MYO16: variants seen among roughly 807,000 people sequenced by gnomAD.
The protein encoded by MYO16 is myosin XVI, also known as unconventional myosin-XVI.
Under a neutral mutation model 205.3 loss-of-function variants are expected in MYO16, and 94 were observed. The observed-to-expected ratio is 0.46, with a 90% CI of 0.39 to 0.54. MYO16 has a LOEUF of 0.54. Among genes scored for constraint, MYO16 ranks in the 20% least tolerant of loss-of-function variants. The pLI is 0.00. For synonymous variants in MYO16, 988 were observed against 954.0 expected, an observed-to-expected ratio of 1.04 and a Z score of -0.66; for missense variants, 2,315 against 2,387.5, an observed-to-expected ratio of 0.97 and a Z score of 0.63.
chr13:108,558,498 G>A, the MYO16 span, among the ~76,000 whole-genome samples: 10 of 152,346 alleles, frequency 6.6e-5, no homozygotes, highest in East Asian at 1.5e-3. Flanking sequence ...CAACTGTGGC[G>A]ATGAGCATAC....
chr13:108,968,005 G>A (rs1261667611), intron 20 of MYO16, among the ~76,000 whole-genome samples: 1 of 152,076 alleles, frequency 6.6e-6, no homozygotes, highest in Non-Finnish European at 1.5e-5. Flanking sequence ...TAAAATAAAG[G>A]ATATTGCATA....
chr13:108,800,220 G>A (rs954179339), intron 6 of MYO16, among the ~76,000 whole-genome samples: 8 of 152,118 alleles, frequency 5.3e-5, no homozygotes, highest in Non-Finnish European at 1.0e-4. Flanking sequence ...ATCTCTTGCC[G>A]TTTACTTTGT....
intron 3 of MYO16, among the ~76,000 whole-genome samples, chr13:108,720,441 C>A (rs1884119215): frequency 6.6e-6 from 1 of 152,180 alleles, no homozygotes; most frequent in Non-Finnish European, 1.5e-5. Context: ...CTGTTTCTGA[C>A]TTTCACTGTA....
chr13:108,948,270 G>A (rs1168781596), intron 16 of MYO16, among the ~76,000 whole-genome samples: 1 of 152,174 alleles, frequency 6.6e-6, no homozygotes, highest in African/African-American at 2.4e-5. Context: ...ACATCACCAA[G>A]TAAAAAATAG....
chr13:108,641,907 A>G (rs1437566565), intron 1 of MYO16, among the ~76,000 whole-genome samples: 1 of 152,144 alleles, frequency 6.6e-6, no homozygotes, highest in Non-Finnish European at 1.5e-5. Flanking sequence ...CTGTGATAAC[A>G]AACACAGTCA....
chr13:108,848,932 T>A (rs1417278233), intron 10 of MYO16, among the ~76,000 whole-genome samples: 1 of 152,210 alleles, frequency 6.6e-6, no homozygotes, highest in African/African-American at 2.4e-5. Flanking sequence ...TTTCTTCCTG[T>A]AGTCCACAGA....
At chr13:108,740,521 C>A (rs146279744) in intron 4 of MYO16, among the ~76,000 whole-genome samples, 2 of 152,110 alleles carry the variant, frequency 1.3e-5, no homozygotes, top group African/African-American at 4.8e-5. Context: ...GGTACCCAGC[C>A]TTGTGAGATG....
intron 23 of MYO16, among the ~76,000 whole-genome samples, chr13:109,036,113 G>T (rs1353471655): frequency 1.3e-5 from 2 of 152,182 alleles, no homozygotes; most frequent in African/African-American, 4.8e-5. Flanking sequence ...CAGACATAAA[G>T]AACTCACTAT....
the MYO16 span, among the ~76,000 whole-genome samples, chr13:108,570,044 T>G: frequency 6.6e-6 from 1 of 152,172 alleles, no homozygotes; most frequent in Non-Finnish European, 1.5e-5. Flanking sequence ...TGTATTTTAT[T>G]GAAGATTTTT....
chr13:109,007,526 A>C (rs1885436375), intron 21 of MYO16, among the ~76,000 whole-genome samples: 1 of 148,580 alleles, frequency 6.7e-6, no homozygotes. Context: ...TGAGATAATA[A>C]GTAGAAATCA....
At chr13:109,089,691 T>C (rs1299805945) in intron 27 of MYO16, among the ~76,000 whole-genome samples, 1 of 152,238 alleles carries the variant, frequency 6.6e-6, no homozygotes, top group Non-Finnish European at 1.5e-5. Context: ...AGCTTTGCAA[T>C]AAACTGACTG....
chr13:108,890,800 T>C (rs1357507374), intron 14 of MYO16, among the ~76,000 whole-genome samples: 2 of 152,244 alleles, frequency 1.3e-5, no homozygotes, highest in Admixed American at 6.5e-5. Flanking sequence ...TAAATCAGCA[T>C]GGCCTGGCAT....
intron 1 of MYO16, among the ~76,000 whole-genome samples, chr13:108,602,450 G>A (rs1377519857): frequency 6.6e-6 from 1 of 152,090 alleles, no homozygotes; most frequent in Admixed American, 6.6e-5. Context: ...TAAGATATTG[G>A]TAGGAGTTTT....
intron 1 of MYO16, among the ~76,000 whole-genome samples, chr13:108,610,383 G>T (rs1237841996): frequency 1.3e-5 from 2 of 152,078 alleles, no homozygotes; most frequent in Non-Finnish European, 2.9e-5. Flanking sequence ...CGCTGCACTA[G>T]ACATTTTTTC....
At chr13:108,509,879 C>T in the MYO16 span, among the ~76,000 whole-genome samples, 4 of 152,066 alleles carry the variant, frequency 2.6e-5, no homozygotes, top group African/African-American at 7.2e-5. Context: ...TTTCTTCCCC[C>T]GCCCAACCCC....
chr13:109,160,161 C>T (rs1302128337), intron 32 of MYO16, among the ~76,000 whole-genome samples: 2 of 152,182 alleles, frequency 1.3e-5, no homozygotes, highest in African/African-American at 4.8e-5. Context: ...CTAAAAATGT[C>T]TCCAGACATT....
intron 4 of MYO16, among the ~76,000 whole-genome samples, chr13:108,754,088 T>C (rs1431351864): frequency 6.6e-6 from 1 of 152,116 alleles, no homozygotes; most frequent in African/African-American, 2.4e-5. Context: ...GAACAAGCTG[T>C]AGCATGCAGG....
chr13:108,961,794 A>G, intron 18 of MYO16, 138 bp downstream of exon 18: 2 of 666,778 alleles, frequency 3.0e-6, no homozygotes, highest in East Asian at 2.5e-5. Context: ...GAGGGGGGGA[A>G]ATTGTCTACT....
intron 1 of MYO16, among the ~76,000 whole-genome samples, chr13:108,640,110 C>A (rs971947001): frequency 3.9e-5 from 6 of 152,082 alleles, no homozygotes; most frequent in African/African-American, 1.4e-4. Flanking sequence ...ATTTAAGCCA[C>A]AGGAGGAAAG....
Sources: gnomAD v4.1 joint callset for allele counts (sites outside exome capture counted in the v4.1 genomes callset) on GRCh38, gnomAD v4.1.1 for gene constraint, MANE v1.5 for transcripts, NCBI Gene and HGNC (gene_info 2026-07-23, HGNC 2026-07-21) for gene names.